ZNF462: variants seen among roughly 807,000 people sequenced by gnomAD.
ZNF462 encodes zinc finger protein 462.
ZNF462 carries 10 observed loss-of-function variants against 201.9 expected under a neutral mutation model. That is an observed-to-expected ratio of 0.05 (90% CI 0.03 to 0.08). ZNF462 has a LOEUF of 0.08. ZNF462 is among the 10% of genes least tolerant of loss of function. The probability of loss-of-function intolerance (pLI) is 1.00; values close to 1 mark genes in which losing one functional copy is unlikely to be tolerated. For missense variants in ZNF462, 2,523 were observed against 3,168.3 expected (o/e 0.80, Z 4.89); for synonymous variants, 1,227 against 1,193.3 (o/e 1.03, Z -0.58).
chr9:107,003,175 T>C lies in ZNF462; in HGVS notation c.7057-119T>C, dbSNP rs1829320937. 6 of 1,397,466 alleles carry C rather than the reference T, an allele frequency of 4.3e-6. No homozygotes were observed. The highest frequency in any genetic ancestry group is 5.8e-6 in the Non-Finnish European group (6 of 1,030,952). The allele number at this position is 1,397,466 out of a possible 1,614,324, so 86.6% of individuals were successfully genotyped here. On this transcript the variant is annotated intron_variant, in intron 10 of 12. Transcript: ENST00000277225. The surrounding 1 kb of genome is among the most constrained non-coding windows in gnomAD (Gnocchi z 4.4). ...AAGACCTCTTAGGCCCCGGAGTTGT[T>C]TGGTCCTGGTTGCAAAACCACAGTC...
chr9:106,951,866 T>TC lies in ZNF462; in HGVS notation c.6427+12761dup, dbSNP rs1458401960. Among the ~76,000 whole-genome samples, 4 of 151,920 alleles carry TC rather than the reference T, an allele frequency of 2.6e-5. No homozygotes were observed. In the South Asian group the frequency reaches 6.2e-4, roughly 24 times the overall value. On this transcript the variant is annotated intron_variant, in intron 7 of 12. Transcript: ENST00000277225. Reference sequence around the variant, plus strand: ...ACAGTGTTGTGTTTTTTTTTTTTTTTCCAGTGGAATTTTGGAGTCGCGGTG... The same window carrying TC: ...ACAGTGTTGTGTTTTTTTTTTTTTTTCCCAGTGGAATTTTGGAGTCGCGGTG...
intron 1 of ZNF462, among the ~76,000 whole-genome samples, chr9:106,877,888 A>T (rs572054666): frequency 6.6e-6 from 1 of 152,268 alleles, no homozygotes; most frequent in South Asian, 2.1e-4. Flanking sequence ...GGCAGTGGTT[A>T]TTAGTACAGA....
At position 107,009,720 on chromosome 9, in the gene ZNF462, G is replaced by T; in HGVS notation, c.7313+52G>T. 1 of 1,590,838 alleles carries T rather than the reference G, an allele frequency of 6.3e-7. No homozygotes were observed. The highest frequency in any genetic ancestry group is 8.6e-7 in the Non-Finnish European group (1 of 1,163,256). On this transcript the variant is annotated intron_variant, in intron 12 of 12. Transcript: ENST00000277225. This position sits in a 1 kb window ranked among gnomAD's most constrained non-coding sequence, Gnocchi z 6.1. ...TTTGTCCAAAGCAAGAGGTAGGGAG[G>T]GAGGGAGGGGCTCTTGTTTTGGTTC...
chr9:106,910,651 G>C (rs1357309850), intron 1 of ZNF462, among the ~76,000 whole-genome samples: 1 of 151,822 alleles, frequency 6.6e-6, no homozygotes, highest in Non-Finnish European at 1.5e-5. Flanking sequence ...TTGATTCAAG[G>C]GTCCTGTCAG....
At chr9:106,871,145 A>G (rs571743334) in intron 1 of ZNF462, among the ~76,000 whole-genome samples, 82 of 152,322 alleles carry the variant, frequency 5.4e-4, no homozygotes, top group African/African-American at 1.8e-3. Flanking sequence ...TTGCTGCACA[A>G]AGGTTCCAAT....
At position 106,950,135 on chromosome 9, in the gene ZNF462, C is replaced by T. The variant is rs778496557; in HGVS notation, c.6427+11028C>T. Among the ~76,000 whole-genome samples the T allele has an allele frequency of 5.9e-5, 9 of 152,200 alleles. No homozygotes were observed. The highest frequency in any genetic ancestry group is 1.2e-4 in the Non-Finnish European group (8 of 68,042). On this transcript the variant is annotated intron_variant, in intron 7 of 12. Transcript: ENST00000277225. This position sits in a 1 kb window ranked among gnomAD's most constrained non-coding sequence, Gnocchi z 4.1. ...CTCCTGCCCTTCCTCTGATGTTAGCCAGTCTTTCTGATTCTAACCTCCATC... is the reference window on the plus strand; with the variant it reads ...CTCCTGCCCTTCCTCTGATGTTAGCTAGTCTTTCTGATTCTAACCTCCATC...
At chr9:106,944,800 T>A (rs535551650) in intron 7 of ZNF462, among the ~76,000 whole-genome samples, 1 of 152,330 alleles carries the variant, frequency 6.6e-6, no homozygotes, top group African/African-American at 2.4e-5. Flanking sequence ...CATAAGAATG[T>A]ACAGTATTTG....
At position 106,927,613 on chromosome 9, in the gene ZNF462, G is replaced by A. The variant is rs764083523; in HGVS notation, c.3701G>A (p.Arg1234Gln). ...DVIRQHTATI[R>Q]SLCDRNQKKP... ...ATCCGGCAGCATACGGCCACCATTC[G>A]AAGCCTCTGCGACCGAAATCAGAAG... Residue 1234 changes from arginine to glutamine, a missense_variant, in exon 3 of 13, where the codon CGA (arginine) becomes CAA (glutamine). Arg to Gln is a conservative substitution (Grantham distance 43). Around this residue, in one of 15 missense-constraint regions of ZNF462, gnomAD observed 222 missense variants for 271.6 expected, o/e 0.82. Coordinates refer to ENST00000277225, the MANE Select transcript of ZNF462 (RefSeq NM_021224.6). 3.7e-6 allele frequency: 6 copies of A among 1,613,762 alleles called. No homozygotes were observed. The Admixed American group carries it at 5.0e-5, about 13-fold the overall frequency.
chr9:106,880,231 GA>G lies in ZNF462; in HGVS notation c.-31+16877del. On this transcript the variant is annotated intron_variant, in intron 1 of 12. Coordinates refer to ENST00000277225, the MANE Select transcript of ZNF462 (RefSeq NM_021224.6). The surrounding 1 kb of genome is among the most constrained non-coding windows in gnomAD (Gnocchi z 4.1). ...GATCAGTGGAAGCACTGCAAAGCCTGACTCTTCAGATATTCCCGAATGCTGA... is the reference window on the plus strand; with the variant it reads ...GATCAGTGGAAGCACTGCAAAGCCTGCTCTTCAGATATTCCCGAATGCTGA... Among the ~76,000 whole-genome samples the G allele has an allele frequency of 6.6e-6, 1 of 152,164 alleles. No homozygotes were observed. Among genetic ancestry groups the G allele is most frequent in the African/African-American group, 2.4e-5 (1 of 41,434 alleles).
chr9:106,912,063 G>T (rs2131312361), intron 1 of ZNF462, among the ~76,000 whole-genome samples: 1 of 152,234 alleles, frequency 6.6e-6, no homozygotes, highest in East Asian at 1.9e-4. Flanking sequence ...CATTCGTAAG[G>T]CTGACTACTC....
rs1826668940 is a variant in ZNF462, at chr9:106,972,389, A to T, written c.6695+117A>T. The T allele has an allele frequency of 7.1e-7, 1 of 1,416,988 alleles. No homozygotes were observed. Among genetic ancestry groups the T allele is most frequent in the African/African-American group, 1.4e-5 (1 of 69,838 alleles). 87.8% of individuals were successfully genotyped at this position (1,416,988 alleles called of 1,614,324 possible). On this transcript the variant is annotated intron_variant, in intron 8 of 12. Transcript: ENST00000277225. This position sits in a 1 kb window ranked among gnomAD's most constrained non-coding sequence, Gnocchi z 4.8. ...GCTTATGGGAGGCCCTGCCCATGTGATGATGTAGGGGTTGGGTCCAGGCTT... is the reference window on the plus strand; with the variant it reads ...GCTTATGGGAGGCCCTGCCCATGTGTTGATGTAGGGGTTGGGTCCAGGCTT...
At position 106,972,359 on chromosome 9, in the gene ZNF462, T is replaced by C. The variant is rs1294758935; in HGVS notation, c.6695+87T>C. 4 of 1,524,850 alleles carry C rather than the reference T, an allele frequency of 2.6e-6. No homozygotes were observed. Among genetic ancestry groups the C allele is most frequent in the South Asian group, 1.3e-5 (1 of 76,564 alleles). The allele number at this position is 1,524,850 out of a possible 1,614,324, so 94.5% of individuals were successfully genotyped here. ...GCAGGCTTCCCTTACACTTTCCTAC[T>C]TGGAGCTTATGGGAGGCCCTGCCCA... On this transcript the variant is annotated intron_variant, in intron 8 of 12. Transcript: ENST00000277225. This position sits in a 1 kb window ranked among gnomAD's most constrained non-coding sequence, Gnocchi z 4.8.
rs545631936 is a variant in ZNF462, at chr9:106,865,505, C to T, written c.-31+2150C>T. On this transcript the variant is annotated intron_variant, in intron 1 of 12. Transcript: ENST00000277225. This position sits in a 1 kb window ranked among gnomAD's most constrained non-coding sequence, Gnocchi z 4.1. ...AATAATAAGAATAATCCTGCAAGATCTCAGAGGAACTCTAAGACTGGCTAA... is the reference window on the plus strand; with the variant it reads ...AATAATAAGAATAATCCTGCAAGATTTCAGAGGAACTCTAAGACTGGCTAA... 1.5e-3 allele frequency among the ~76,000 whole-genome samples: 223 copies of T among 152,264 alleles called. 1 individual carries two copies. The highest frequency in any genetic ancestry group is 5.2e-3 in the African/African-American group (216 of 41,538).
chr9:106,957,270 G>C (rs1831621847), intron 7 of ZNF462, among the ~76,000 whole-genome samples: 1 of 152,114 alleles, frequency 6.6e-6, no homozygotes. Flanking sequence ...GGTCCAAGGA[G>C]AGGGAAGCAG....
intron 7 of ZNF462, among the ~76,000 whole-genome samples, chr9:106,959,259 C>G (rs1345011424): frequency 2.0e-5 from 3 of 152,042 alleles, no homozygotes; most frequent in African/African-American, 7.2e-5. Flanking sequence ...ACTGGTCAGT[C>G]AAAAAGTAGC....
chr9:106,922,569 T>C (rs528277622), intron 1 of ZNF462, among the ~76,000 whole-genome samples: 1 of 152,186 alleles, frequency 6.6e-6, no homozygotes, highest in Non-Finnish European at 1.5e-5. Flanking sequence ...TTCATGCAAA[T>C]TGAGGTGCCA....
intron 1 of ZNF462, among the ~76,000 whole-genome samples, chr9:106,899,678 C>T (rs898808411): frequency 2.0e-5 from 3 of 152,094 alleles, no homozygotes; most frequent in African/African-American, 7.2e-5. Context: ...AGAAAACACT[C>T]ATTTAAGATT....
chr9:106,946,436 C>T (rs1831107714), intron 7 of ZNF462, among the ~76,000 whole-genome samples: 1 of 152,220 alleles, frequency 6.6e-6, no homozygotes, highest in Non-Finnish European at 1.5e-5. Flanking sequence ...AGTATTTTAG[C>T]CCAATTTTAC....
rs564608514 is a variant in ZNF462, at chr9:106,929,676, G to T, written c.5764G>T (p.Ala1922Ser). The change falls in exon 3 of 13, where the codon GCC (alanine) becomes TCC (serine). Residue 1922 changes from alanine to serine, a missense_variant. Around this residue, in one of 15 missense-constraint regions of ZNF462, gnomAD observed 107 missense variants for 187.7 expected, o/e 0.57. Coordinates refer to ENST00000277225, the MANE Select transcript of ZNF462 (RefSeq NM_021224.6). This position sits in a 1 kb window ranked among gnomAD's most constrained non-coding sequence, Gnocchi z 8.7. ...TCACAATGAGGAATTCCAGAAGCGT[G>T]CCAAACGTCAGGAGAGGAGGAAACA... ...NIHNEEFQKR[A>S]KRQERRKQLL... The T allele has an allele frequency of 2.5e-6, 4 of 1,614,054 alleles. No individual in the cohort carries two copies. The highest frequency in any genetic ancestry group is 3.4e-6 in the Non-Finnish European group (4 of 1,180,048).
Sources: allele counts gnomAD v4.1 joint callset (sites outside exome capture counted in the v4.1 genomes callset), GRCh38; gene constraint gnomAD v4.1.1; regional missense constraint gnomAD v4.1.1; non-coding constraint Gnocchi (gnomAD v3.1); transcripts MANE v1.5; gene names NCBI Gene and HGNC (gene_info 2026-07-23, HGNC 2026-07-21).